Variants in DNAI4 observed in about 807,000 individuals in gnomAD.
The protein encoded by DNAI4 is dynein axonemal intermediate chain 4.
A neutral mutation model predicts 105.8 loss-of-function variants in DNAI4; 85 were observed. The ratio of observed to expected loss-of-function variants is 0.80; its 90% CI spans 0.67 to 0.96. DNAI4 has a LOEUF of 0.96. DNAI4 is among the 40% of genes least tolerant of loss of function. The pLI is 0.00. For missense variants in DNAI4, 1,014 were observed against 1,005.6 expected (o/e 1.01, Z -0.11); for synonymous variants, 352 against 331.5 (o/e 1.06, Z -0.67).
At chr1:66,922,317 G>A (rs1437884425) in intron 1 of DNAI4, among the ~76,000 whole-genome samples, 1 of 64,346 alleles carries the variant, frequency 1.6e-5, no homozygotes, top group East Asian at 7.0e-4. Context: ...GGTGGTAAAG[G>A]ACTCTTTGAC....
chr1:66,849,490 T>C (rs144677424), intron 7 of DNAI4, among the ~76,000 whole-genome samples: 176 of 152,222 alleles, frequency 1.2e-3, no homozygotes, highest in Non-Finnish European at 2.3e-3. Context: ...ATACCCCAAA[T>C]GTCCAGGTTT....
At chr1:66,855,715 G>T (rs953340924) in intron 7 of DNAI4, among the ~76,000 whole-genome samples, 2 of 152,166 alleles carry the variant, frequency 1.3e-5, no homozygotes, top group Non-Finnish European at 2.9e-5. Context: ...AATATGTAAA[G>T]CCCACTGATA....
At chr1:66,893,077 G>GAA (rs1557965477) in intron 3 of DNAI4, 152 bp downstream of exon 3, 2 of 367,572 alleles carry the variant, frequency 5.4e-6, no homozygotes, top group Admixed American at 4.7e-5. Context: ...AAGAAAGAAA[G>GAA]AAAGAAAGAA....
chr1:66,845,625 A>G (rs577085331), intron 8 of DNAI4, among the ~76,000 whole-genome samples: 20 of 152,342 alleles, frequency 1.3e-4, no homozygotes, highest in African/African-American at 4.3e-4. Flanking sequence ...TCAGTGTGTG[A>G]ATGGACAAAC....
At chr1:66,891,055 T>G (rs746014307) in intron 4 of DNAI4, 99 bp downstream of exon 4, 22 of 969,386 alleles carry the variant, frequency 2.3e-5, no homozygotes, top group Admixed American at 5.3e-5. Flanking sequence ...CATTTGGAAA[T>G]CATTACCATA....
chr1:66,919,830 AAAT>A, intron 1 of DNAI4, among the ~76,000 whole-genome samples: 1 of 152,290 alleles, frequency 6.6e-6, no homozygotes. Context: ...CCCAAAGAAA[AAAT>A]GTACTGAAAA....
intron 16 of DNAI4, among the ~76,000 whole-genome samples, chr1:66,815,869 C>T (rs1314973812): frequency 2.6e-5 from 4 of 152,202 alleles, no homozygotes; most frequent in African/African-American, 4.8e-5. Flanking sequence ...TCATGCCAGA[C>T]GTTAGGCTGG....
intron 2 of DNAI4, among the ~76,000 whole-genome samples, chr1:66,903,044 T>C (rs1648952445): frequency 6.6e-6 from 1 of 152,254 alleles, no homozygotes; most frequent in Non-Finnish European, 1.5e-5. Flanking sequence ...ATATTTCATA[T>C]ACATTTTAGG....
intron 7 of DNAI4, among the ~76,000 whole-genome samples, chr1:66,858,038 A>T (rs1646539665): frequency 6.6e-6 from 1 of 152,190 alleles, no homozygotes; most frequent in African/African-American, 2.4e-5. Context: ...TCCAAAATAG[A>T]AAGCATCATG....
At chr1:66,856,457 A>G (rs943611735) in intron 7 of DNAI4, among the ~76,000 whole-genome samples, 1 of 152,090 alleles carries the variant, frequency 6.6e-6, no homozygotes, top group Non-Finnish European at 1.5e-5. Context: ...TGGGCGACAG[A>G]GCGAGACTCC....
intron 7 of DNAI4, among the ~76,000 whole-genome samples, chr1:66,851,048 T>G (rs745409385): frequency 1.3e-5 from 2 of 151,680 alleles, no homozygotes; most frequent in Non-Finnish European, 3.0e-5. Context: ...AGATAAAGAC[T>G]GACAAAAAAA....
intron 1 of DNAI4, among the ~76,000 whole-genome samples, chr1:66,922,908 T>C (rs1265108780): frequency 2.6e-5 from 4 of 152,214 alleles, no homozygotes; most frequent in African/African-American, 9.7e-5. Context: ...AGATTAACAT[T>C]TGTGAATCAT....
intron 11 of DNAI4, 68 bp from the exon 12 acceptor site, chr1:66,834,216 AG>A (rs1341851803): frequency 3.2e-5 from 40 of 1,263,608 alleles, no homozygotes; most frequent in Non-Finnish European, 4.3e-5. Context: ...TTGGAGTATA[AG>A]TGATAAGGTC....
At chr1:66,830,341 C>T (rs984871876) in intron 13 of DNAI4, among the ~76,000 whole-genome samples, 1 of 151,992 alleles carries the variant, frequency 6.6e-6, no homozygotes, top group Non-Finnish European at 1.5e-5. Flanking sequence ...ACACAAATTA[C>T]TAATATTAGG....
chr1:66,813,991 T>C lies in DNAI4; in HGVS notation c.*139A>G, dbSNP rs1332247901. The C allele has an allele frequency of 1.8e-6, 1 of 565,958 alleles. No individual in the cohort carries two copies. The highest frequency in any genetic ancestry group is 3.1e-5 in the East Asian group (1 of 32,364). 35.1% of individuals were successfully genotyped at this position (565,958 alleles called of 1,614,324 possible). On this transcript the variant is annotated 3_prime_UTR_variant, in exon 17 of 17. Transcript: ENST00000371026. ...CAAATATCTCTGAAATAAAAGTTTA[T>C]TAAATTTAAATTAAGTGGAAGTTAT...
At chr1:66,854,248 G>A (rs961409337) in intron 7 of DNAI4, among the ~76,000 whole-genome samples, 1 of 152,090 alleles carries the variant, frequency 6.6e-6, no homozygotes, top group Non-Finnish European at 1.5e-5. Flanking sequence ...TAAATTAGCT[G>A]AGTCTGGTGG....
At chr1:66,912,034 T>A (rs1289851238) in intron 1 of DNAI4, among the ~76,000 whole-genome samples, 1 of 152,014 alleles carries the variant, frequency 6.6e-6, no homozygotes, top group Non-Finnish European at 1.5e-5. Flanking sequence ...TGGAGACAGG[T>A]TTTTGGCACA....
At chr1:66,816,343 G>A (rs531963099) in intron 16 of DNAI4, among the ~76,000 whole-genome samples, 23 of 151,886 alleles carry the variant, frequency 1.5e-4, no homozygotes, top group Admixed American at 6.6e-5. Flanking sequence ...CTTTCATATA[G>A]AATGAAATCA....
chr1:66,862,067 A>T, intron 7 of DNAI4, 80 bp downstream of exon 7: 1 of 1,368,410 alleles, frequency 7.3e-7, no homozygotes, highest in East Asian at 2.4e-5. Flanking sequence ...GAAAGAAAAC[A>T]TTGTTAACTG....
Sources: gnomAD v4.1 joint callset for allele counts (sites outside exome capture counted in the v4.1 genomes callset) on GRCh38, gnomAD v4.1.1 for gene constraint, MANE v1.5 for transcripts, NCBI Gene and HGNC (gene_info 2026-07-23, HGNC 2026-07-21) for gene names.